The following TBC1D4 variants were observed in gnomAD, a reference collection of about 807,000 sequenced individuals.
TBC1D4 encodes the protein TBC (Tre-2, BUB2, CDC16) domain-containing protein.
TBC1D4 carries 121 observed loss-of-function variants against 142.5 expected under a neutral mutation model. That is an observed-to-expected ratio of 0.85 (90% CI 0.73 to 0.99). TBC1D4 has a LOEUF of 0.99. TBC1D4 is among the 50% of genes least tolerant of loss of function. The pLI, the probability that TBC1D4 is intolerant of heterozygous loss-of-function variation, is 0.00. For synonymous variants in TBC1D4, 630 were observed against 628.2 expected (o/e 1.00, Z -0.04); for missense variants, 1,475 against 1,606.6 (o/e 0.92, Z 1.40).
chr13:75,350,480 C>T (rs901541119), intron 4 of TBC1D4, among the ~76,000 whole-genome samples: 1 of 152,042 alleles, frequency 6.6e-6, no homozygotes, highest in African/African-American at 2.4e-5. Flanking sequence ...CTTATCATTC[C>T]ATTAATAAAA....
chr13:75,304,677 T>C (rs1057121889), intron 15 of TBC1D4, among the ~76,000 whole-genome samples: 15 of 151,838 alleles, frequency 9.9e-5, no homozygotes, highest in African/African-American at 3.2e-4. Context: ...CAGGCAGCAG[T>C]CACTCCAGGA....
At chr13:75,393,986 T>C (rs1477509304) in intron 1 of TBC1D4, among the ~76,000 whole-genome samples, 1 of 152,138 alleles carries the variant, frequency 6.6e-6, no homozygotes, top group African/African-American at 2.4e-5. Context: ...CAGATATTTA[T>C]TTTCTTAGAG....
chr13:75,408,712 T>A (rs1188326197), intron 1 of TBC1D4, among the ~76,000 whole-genome samples: 1 of 152,204 alleles, frequency 6.6e-6, no homozygotes, highest in African/African-American at 2.4e-5. Flanking sequence ...TTCCAATTCA[T>A]CCACTTTCTC....
chr13:75,457,063 G>C (rs1887765995), intron 1 of TBC1D4, among the ~76,000 whole-genome samples: 1 of 152,018 alleles, frequency 6.6e-6, no homozygotes, highest in African/African-American at 2.4e-5. Flanking sequence ...TTTATATAAA[G>C]TTCAGGCACA....
intron 1 of TBC1D4, among the ~76,000 whole-genome samples, chr13:75,437,678 C>T (rs1886858445): frequency 6.6e-6 from 1 of 151,852 alleles, no homozygotes; most frequent in South Asian, 2.1e-4. Context: ...ATTTGGGACA[C>T]TAAGAAGTAG....
At chr13:75,479,115 C>A (rs1454284306) in intron 1 of TBC1D4, among the ~76,000 whole-genome samples, 1 of 152,202 alleles carries the variant, frequency 6.6e-6, no homozygotes, top group Admixed American at 6.5e-5. Context: ...AAAGGCCACC[C>A]ACTATCCAGT....
chr13:75,368,381 T>G (rs1165673093), intron 1 of TBC1D4, among the ~76,000 whole-genome samples: 1 of 152,228 alleles, frequency 6.6e-6, no homozygotes. Context: ...ACCAGAGTCA[T>G]ACAAGTAGCT....
intron 8 of TBC1D4, among the ~76,000 whole-genome samples, chr13:75,329,740 T>C (rs936846144): frequency 5.9e-5 from 9 of 152,366 alleles, no homozygotes; most frequent in Admixed American, 1.3e-4. Flanking sequence ...TCCATAAATG[T>C]CATTATTCTA....
intron 1 of TBC1D4, among the ~76,000 whole-genome samples, chr13:75,428,525 A>G (rs1339233568): frequency 1.3e-5 from 2 of 152,258 alleles, no homozygotes; most frequent in Non-Finnish European, 2.9e-5. Flanking sequence ...GAATTAATGT[A>G]TAATAATTTC....
chr13:75,340,959 C>CA (rs202039590), intron 7 of TBC1D4, among the ~76,000 whole-genome samples, 166 bp downstream of exon 7: 1 of 149,568 alleles, frequency 6.7e-6, no homozygotes, highest in Non-Finnish European at 1.5e-5. Flanking sequence ...AAACAAAAAA[C>CA]AAAAAAACCT....
intron 3 of TBC1D4, among the ~76,000 whole-genome samples, chr13:75,356,949 T>C (rs1882102945): frequency 1.3e-5 from 2 of 152,152 alleles, no homozygotes; most frequent in African/African-American, 4.8e-5. Flanking sequence ...GCACAGTACT[T>C]AGATAAGCCA....
At chr13:75,366,505 T>C (rs1453451113) in intron 1 of TBC1D4, among the ~76,000 whole-genome samples, 1 of 152,192 alleles carries the variant, frequency 6.6e-6, no homozygotes, top group Admixed American at 6.5e-5. Flanking sequence ...GTTAAAATGA[T>C]CCATTTCCAT....
intron 13 of TBC1D4, 69 bp from the exon 14 acceptor site, chr13:75,310,220 T>G (rs1877617114): frequency 6.9e-7 from 1 of 1,456,496 alleles, no homozygotes; most frequent in African/African-American, 1.4e-5. Context: ...TCTGTAGAAT[T>G]CACATTCTCA....
chr13:75,292,271 T>C lies in TBC1D4; in HGVS notation c.3317A>G (p.Asp1106Gly). 1.2e-6 allele frequency: 2 copies of C among 1,609,764 alleles called. No homozygotes were observed. Among genetic ancestry groups the C allele is most frequent in the Non-Finnish European group, 1.7e-6 (2 of 1,177,982 alleles). ...FSLGFVARVF[D>G]IIFLQGTEVI... ...TTCAGTTCCCTGAAGAAAAATAATA[T>C]CTAAAAGAAGAGATATAATTTTCAT... Residue 1106 changes from aspartate (D) to glycine (G), a missense_variant and splice_region_variant, in exon 19 of 21, where the codon GAT becomes GGT. Coordinates refer to ENST00000377636, the MANE Select transcript of TBC1D4 (RefSeq NM_014832.5).
At chr13:75,338,648 C>G (rs1395253960) in intron 7 of TBC1D4, among the ~76,000 whole-genome samples, 1 of 152,162 alleles carries the variant, frequency 6.6e-6, no homozygotes, top group African/African-American at 2.4e-5. Flanking sequence ...CAACAAAGCT[C>G]ATGTCTTCCA....
intron 1 of TBC1D4, among the ~76,000 whole-genome samples, chr13:75,402,989 A>G (rs9530432): frequency 0.96 from 146,389 of 152,244 alleles, 70,632 homozygotes; most frequent in East Asian, 1. Flanking sequence ...AATGAGTTCC[A>G]CAGTCCAGTT....
chr13:75,316,277 T>C (rs1351333084), intron 12 of TBC1D4, among the ~76,000 whole-genome samples: 2 of 152,166 alleles, frequency 1.3e-5, no homozygotes, highest in Non-Finnish European at 2.9e-5. Flanking sequence ...CAATATGTTA[T>C]AAAAGAGGCG....
At chr13:75,386,608 T>G (rs1336226885) in intron 1 of TBC1D4, among the ~76,000 whole-genome samples, 1 of 152,146 alleles carries the variant, frequency 6.6e-6, no homozygotes, top group Non-Finnish European at 1.5e-5. Flanking sequence ...CAGGATGGTC[T>G]CGATCTCCTG....
intron 12 of TBC1D4, among the ~76,000 whole-genome samples, chr13:75,319,772 A>G (rs1384671574): frequency 6.6e-6 from 1 of 152,208 alleles, no homozygotes. Flanking sequence ...AGCTCTAAGG[A>G]AATTTCAGCA....
Sources: allele counts gnomAD v4.1 joint callset (sites outside exome capture counted in the v4.1 genomes callset), GRCh38; gene constraint gnomAD v4.1.1; transcripts MANE v1.5; gene names NCBI Gene and HGNC (gene_info 2026-07-23, HGNC 2026-07-21).